RAP1GAP: variants seen among roughly 807,000 people sequenced by gnomAD.
The protein encoded by RAP1GAP is rap1 GTPase-activating protein 1.
RAP1GAP carries 35 observed loss-of-function variants against 87.2 expected under a neutral mutation model. The observed-to-expected ratio is 0.40, with a 90% confidence interval of 0.31 to 0.53. The LOEUF (loss-of-function observed/expected upper bound fraction) is 0.53, where lower values mean the gene tolerates loss of function less well. Ranked by LOEUF, RAP1GAP falls within the 20% of genes least tolerant of loss-of-function variation. The pLI, the probability that RAP1GAP is intolerant of heterozygous loss-of-function variation, is 0.48. For missense variants in RAP1GAP, 734 were observed against 898.9 expected, an observed-to-expected ratio of 0.82 and a Z score of 2.35; for synonymous variants, 375 against 363.9, an observed-to-expected ratio of 1.03 and a Z score of -0.35.
rs2088480317 is a variant in RAP1GAP at position 21,622,189 on chromosome 1, T to G, written c.-18-2139A>C. On this transcript the variant is annotated intron_variant, in intron 3 of 24. Coordinates refer to ENST00000374765, the MANE Select transcript of RAP1GAP (RefSeq NM_002885.4). This position sits in a 1 kb window ranked among gnomAD's most constrained non-coding sequence, Gnocchi z 5.7. ...GACCCCAGGGTAGGGGTGCGCCCCG[T>G]GGCCAGTGTCAGCCCAGAAGCTCAC... 3.2e-6 allele frequency: 1 copy of G among 311,292 alleles called. No individual in the cohort carries two copies. Among genetic ancestry groups the G allele is most frequent in the African/African-American group, 2.2e-5 (1 of 44,776 alleles). 19.3% of individuals were successfully genotyped at this position (311,292 alleles called of 1,614,324 possible).
intron 17 of RAP1GAP, among the ~76,000 whole-genome samples, chr1:21,607,582 C>G (rs115024921): frequency 2.7e-4 from 41 of 152,124 alleles, no homozygotes; most frequent in African/African-American, 7.0e-4. Flanking sequence ...CAAGACAGAG[C>G]CTCTTCCTCT....
At chr1:21,600,378 T>C (rs1354898094) in intron 20 of RAP1GAP, among the ~76,000 whole-genome samples, 1 of 152,182 alleles carries the variant, frequency 6.6e-6, no homozygotes, top group Non-Finnish European at 1.5e-5. Flanking sequence ...CCCGGCTCTT[T>C]AGCCTGGGCT....
At chr1:21,610,313 A>AG in intron 13 of RAP1GAP, 38 bp from the exon 14 acceptor site, 1 of 1,609,456 alleles carries the variant, frequency 6.2e-7, no homozygotes, top group Non-Finnish European at 8.5e-7. Context: ...GTCTGGCCAG[A>AG]GGGGGCCCAT....
At chr1:21,617,182 CTCAGGG>C in intron 7 of RAP1GAP, 118 bp downstream of exon 7, 1 of 1,130,594 alleles carries the variant, frequency 8.8e-7, no homozygotes, top group Middle Eastern at 2.9e-4. Context: ...AGCACATTCA[CTCAGGG>C]CTCTAGGACT....
intron 1 of RAP1GAP, among the ~76,000 whole-genome samples, chr1:21,660,352 T>TATATATATATATATATATATATA (rs1248298305): frequency 2.6e-4 from 22 of 85,922 alleles, no homozygotes; most frequent in Admixed American, 6.8e-4. Context: ...TATATATTTA[T>TATATATATATATATATATATATA]TGAGACAGTC....
chr1:21,639,394 C>T (rs917950664), intron 2 of RAP1GAP, among the ~76,000 whole-genome samples: 17 of 152,338 alleles, frequency 1.1e-4, no homozygotes, highest in African/African-American at 4.1e-4. Flanking sequence ...GACAGTCACA[C>T]CTGAGTGTGT....
chr1:21,618,330 C>A (rs1421782588), intron 5 of RAP1GAP, among the ~76,000 whole-genome samples: 1 of 152,192 alleles, frequency 6.6e-6, no homozygotes, highest in Non-Finnish European at 1.5e-5. Flanking sequence ...GTGTGAGGGC[C>A]TCTGCCCCAA....
At chr1:21,643,556 C>CAAAAAAA (rs58359978) in intron 2 of RAP1GAP, among the ~76,000 whole-genome samples, 29 of 65,862 alleles carry the variant, frequency 4.4e-4, no homozygotes, top group East Asian at 7.6e-4. Context: ...GACTCCGTCT[C>CAAAAAAA]AAAAAAAAAA....
intron 1 of RAP1GAP, among the ~76,000 whole-genome samples, chr1:21,667,330 A>G (rs1173125460): frequency 3.9e-5 from 6 of 152,206 alleles, no homozygotes; most frequent in Non-Finnish European, 7.4e-5. Context: ...CCAAGAGGCC[A>G]AAGGAAGAAT....
intron 20 of RAP1GAP, 80 bp from the exon 21 acceptor site, chr1:21,599,697 A>C: frequency 6.6e-7 from 1 of 1,516,330 alleles, no homozygotes; most frequent in Non-Finnish European, 8.8e-7. Flanking sequence ...TGCCCTCCCC[A>C]ACCCGGGAGG....
chr1:21,633,964 C>A (rs2094260448), intron 2 of RAP1GAP, among the ~76,000 whole-genome samples: 1 of 151,836 alleles, frequency 6.6e-6, no homozygotes, highest in Non-Finnish European at 1.5e-5. Flanking sequence ...GGGGGGCTGC[C>A]AGAGCCGGGT....
Position 21,626,855 on chromosome 1 carries a change from G to T in RAP1GAP, c.-112-458C>A, listed in dbSNP as rs143347088. 5.3e-3 allele frequency: 2,402 copies of T among 456,346 alleles called. 13 individuals carry two copies. The highest frequency in any genetic ancestry group is 8.8e-3 in the Middle Eastern group (27 of 3,074). The allele number at this position is 456,346 out of a possible 1,614,324, so 28.3% of individuals were successfully genotyped here. On this transcript the variant is annotated intron_variant, in intron 2 of 24. Transcript: ENST00000374765. ...ACCGTGACCATAACTGACGCTCATTGGGCCTACCACATGCCAGGCCCTGTG... is the reference window on the plus strand; with the variant it reads ...ACCGTGACCATAACTGACGCTCATTTGGCCTACCACATGCCAGGCCCTGTG...
chr1:21,664,797 T>C (rs957667494), intron 1 of RAP1GAP, among the ~76,000 whole-genome samples: 5 of 152,158 alleles, frequency 3.3e-5, no homozygotes, highest in Non-Finnish European at 4.4e-5. Context: ...TTAGAAAAGA[T>C]TTTTCTCCAG....
intron 2 of RAP1GAP, among the ~76,000 whole-genome samples, chr1:21,636,835 G>GGAA (rs201625433): frequency 6.0e-5 from 9 of 148,808 alleles, no homozygotes; most frequent in African/African-American, 1.0e-4. Flanking sequence ...GAGAGAGAAA[G>GGAA]GAAGAAGAAG....
At chr1:21,641,001 G>C (rs2095469703) in intron 2 of RAP1GAP, among the ~76,000 whole-genome samples, 1 of 151,654 alleles carries the variant, frequency 6.6e-6, no homozygotes, top group Non-Finnish European at 1.5e-5. Context: ...TCCACCTCCT[G>C]GGTTCAAGCG....
Position 21,603,570 on chromosome 1 carries a change from G to A in RAP1GAP, c.1429-657C>T, listed in dbSNP as rs769129631. 7.9e-6 allele frequency: 5 copies of A among 635,996 alleles called. No individual in the cohort carries two copies. The highest frequency in any genetic ancestry group is 2.7e-5 in the East Asian group (1 of 36,732). The allele number at this position is 635,996 out of a possible 1,614,324, so 39.4% of individuals were successfully genotyped here. A position where few individuals can be genotyped will look rare whatever the true frequency, so the allele number is the denominator to read the frequency against. ...GCTGGGTGTAGGGCCTTTGGGTACCGGATCCTGGCAGGGACTGGGCCAGGG... is the reference window on the plus strand; with the variant it reads ...GCTGGGTGTAGGGCCTTTGGGTACCAGATCCTGGCAGGGACTGGGCCAGGG... On this transcript the variant is annotated intron_variant, in intron 18 of 24. Coordinates refer to ENST00000374765, the MANE Select transcript of RAP1GAP (RefSeq NM_002885.4). The surrounding 1 kb of genome is among the most constrained non-coding windows in gnomAD (Gnocchi z 6.0).
Position 21,603,094 on chromosome 1 carries a change from A to G in RAP1GAP, c.1429-181T>C. 3 of 581,908 alleles carry G rather than the reference A, an allele frequency of 5.2e-6. No individual in the cohort carries two copies. The South Asian group carries it at 6.3e-5, about 12-fold the overall frequency. The allele number at this position is 581,908 out of a possible 1,614,324, so 36.0% of individuals were successfully genotyped here. On this transcript the variant is annotated intron_variant, in intron 18 of 24. Transcript: ENST00000374765. The surrounding 1 kb of genome is among the most constrained non-coding windows in gnomAD (Gnocchi z 6.0). ...AGTTTACGAAAGGGAAACAGTCCCC[A>G]GGAGGGCAAGGGGCTCTCCCGAGCT...
At chr1:21,654,702 C>T (rs2096788930) in intron 1 of RAP1GAP, among the ~76,000 whole-genome samples, 1 of 151,982 alleles carries the variant, frequency 6.6e-6, no homozygotes, top group Non-Finnish European at 1.5e-5. Context: ...TGTGATGGTG[C>T]ACATATGTAG....
chr1:21,651,558 C>G, intron 1 of RAP1GAP: 1 of 683,010 alleles, frequency 1.5e-6, no homozygotes, highest in South Asian at 1.4e-5. Context: ...TGCACATGGA[C>G]ACGCAATGGG....
Sources: allele counts gnomAD v4.1 joint callset (sites outside exome capture counted in the v4.1 genomes callset), GRCh38; gene constraint gnomAD v4.1.1; non-coding constraint Gnocchi (gnomAD v3.1); transcripts MANE v1.5; gene names NCBI Gene and HGNC (gene_info 2026-07-23, HGNC 2026-07-21).